The following NTNG1 variants were observed in gnomAD, a reference collection of about 807,000 sequenced individuals.
The protein encoded by NTNG1 is netrin G1, also known as netrin-G1.
In NTNG1, 16 loss-of-function variants were observed where a neutral mutation model predicts 54.0. The observed-to-expected ratio is 0.30, with a 90% CI of 0.20 to 0.45. NTNG1 has a LOEUF of 0.45. NTNG1 is among the 20% of genes least tolerant of loss of function. NTNG1 has a pLI of 1.00. For missense variants in NTNG1, 530 were observed against 678.7 expected, an observed-to-expected ratio of 0.78 and a Z score of 2.43; for synonymous variants, 255 against 263.1, an observed-to-expected ratio of 0.97 and a Z score of 0.30.
chr1:107,155,426 CTCTCTA>C (rs1442196736), intron 2 of NTNG1, among the ~76,000 whole-genome samples: 4 of 152,242 alleles, frequency 2.6e-5, no homozygotes, highest in Admixed American at 2.0e-4. Context: ...ATCTCTCTCT[CTCTCTA>C]TCTCTATCTC....
At chr1:107,216,039 C>G (rs1396782591) in intron 2 of NTNG1, among the ~76,000 whole-genome samples, 1 of 152,062 alleles carries the variant, frequency 6.6e-6, no homozygotes, top group African/African-American at 2.4e-5. Context: ...GTTCTGGAAG[C>G]CTTTTGGATG....
chr1:107,463,752 C>T (rs1677428005), intron 7 of NTNG1, among the ~76,000 whole-genome samples: 2 of 151,560 alleles, frequency 1.3e-5, no homozygotes, highest in South Asian at 4.2e-4. Context: ...AGGCAAGAGC[C>T]CTGATTATGT....
chr1:107,207,433 G>C lies in NTNG1; in HGVS notation c.246+58594G>C, dbSNP rs116051101. Among the ~76,000 whole-genome samples, 734 of 152,322 alleles carry C rather than the reference G, an allele frequency of 4.8e-3. 8 individuals are homozygous for C. Among genetic ancestry groups the C allele is most frequent in the African/African-American group, 0.017 (692 of 41,576 alleles). On this transcript the variant is annotated intron_variant, in intron 2 of 7. Coordinates refer to ENST00000370068, the MANE Select transcript of NTNG1 (RefSeq NM_001113226.3). ...GGAAAAATACTGTAGCTGTGAAGGT[G>C]ATGGCACAAAGCCAGTTTCTCCATG...
At position 107,200,113 on chromosome 1, in the gene NTNG1, A is replaced by T. The variant is rs114686424; in HGVS notation, c.246+51274A>T. Among the ~76,000 whole-genome samples the T allele has an allele frequency of 2.4e-3, 371 of 151,952 alleles. 2 individuals are homozygous for T. The highest frequency in any genetic ancestry group is 8.3e-3 in the African/African-American group (345 of 41,528). ...TAGTGACAATGCCAGATTCTTGGAT[A>T]CTGCTTTTGTAACCATTCCTTTCTT... On this transcript the variant is annotated intron_variant, in intron 2 of 7. Transcript: ENST00000370068.
chr1:107,437,848 G>A (rs1286593226), intron 7 of NTNG1, among the ~76,000 whole-genome samples: 1 of 151,898 alleles, frequency 6.6e-6, no homozygotes, highest in Non-Finnish European at 1.5e-5. Flanking sequence ...GTCAGTTAGG[G>A]CTGCCCATAT....
chr1:107,473,179 T>C (rs1377409746), intron 7 of NTNG1, among the ~76,000 whole-genome samples: 3 of 152,190 alleles, frequency 2.0e-5, no homozygotes, highest in East Asian at 1.9e-4. Flanking sequence ...CGCATTACAT[T>C]GATTCCTTGA....
intron 2 of NTNG1, among the ~76,000 whole-genome samples, chr1:107,318,529 T>G (rs1667464306): frequency 7.1e-6 from 1 of 140,572 alleles, no homozygotes; most frequent in Non-Finnish European, 1.5e-5. Context: ...TCTGTGAAAT[T>G]GCAAAAAAAA....
intron 2 of NTNG1, among the ~76,000 whole-genome samples, chr1:107,193,279 A>C (rs1404143598): frequency 6.6e-6 from 1 of 151,996 alleles, no homozygotes; most frequent in South Asian, 2.1e-4. Flanking sequence ...TTCCGGATAT[A>C]ATTTCAAGTT....
chr1:107,164,546 CAGAG>C (rs1159443631), intron 2 of NTNG1, among the ~76,000 whole-genome samples: 1 of 152,094 alleles, frequency 6.6e-6, no homozygotes, highest in African/African-American at 2.4e-5. Flanking sequence ...ATAGCGAAAG[CAGAG>C]AGAAATACTT....
intron 2 of NTNG1, among the ~76,000 whole-genome samples, chr1:107,305,656 A>G (rs1212280732): frequency 1.3e-5 from 2 of 152,018 alleles, no homozygotes; most frequent in African/African-American, 4.8e-5. Flanking sequence ...AGATGGATAG[A>G]TAGATAGCAA....
At chr1:107,289,372 C>T (rs1157434131) in intron 2 of NTNG1, among the ~76,000 whole-genome samples, 1 of 152,134 alleles carries the variant, frequency 6.6e-6, no homozygotes. Context: ...AAAGTCCTCA[C>T]TTTACTACCT....
intron 2 of NTNG1, among the ~76,000 whole-genome samples, chr1:107,323,863 T>G (rs903708583): frequency 1.3e-5 from 2 of 152,104 alleles, no homozygotes; most frequent in African/African-American, 4.8e-5. Flanking sequence ...TTCTAAAGCT[T>G]TGCTTGAAAA....
intron 5 of NTNG1, chr1:107,407,970 AG>A: frequency 1.5e-6 from 1 of 678,460 alleles, no homozygotes; most frequent in Non-Finnish European, 2.8e-6. Flanking sequence ...ACCTAGACTC[AG>A]GTGCAATTCC....
intron 2 of NTNG1, among the ~76,000 whole-genome samples, chr1:107,227,450 G>T (rs1660761014): frequency 6.6e-6 from 1 of 152,098 alleles, no homozygotes; most frequent in Admixed American, 6.6e-5. Flanking sequence ...CCAACTCTGT[G>T]GCACTAACCT....
At chr1:107,299,498 A>G (rs1167875768) in intron 2 of NTNG1, among the ~76,000 whole-genome samples, 1 of 152,180 alleles carries the variant, frequency 6.6e-6, no homozygotes, top group African/African-American at 2.4e-5. Context: ...CTATCTGGTC[A>G]CAGTTTTAAG....
chr1:107,274,105 T>C (rs1184157449), intron 2 of NTNG1, among the ~76,000 whole-genome samples: 1 of 152,128 alleles, frequency 6.6e-6, no homozygotes, highest in Non-Finnish European at 1.5e-5. Context: ...TTAAAGTGGG[T>C]ATTATTATTA....
chr1:107,319,188 C>T (rs1421174405), intron 2 of NTNG1, among the ~76,000 whole-genome samples: 1 of 152,084 alleles, frequency 6.6e-6, no homozygotes. Context: ...TAAGTGTCTT[C>T]AGAAAAGTCA....
At chr1:107,220,298 C>G (rs962116862) in intron 2 of NTNG1, among the ~76,000 whole-genome samples, 4 of 152,182 alleles carry the variant, frequency 2.6e-5, no homozygotes, top group East Asian at 3.9e-4. Flanking sequence ...TCCCATGGAG[C>G]CTGCAGTGGC....
At chr1:107,374,393 T>C (rs189257498) in intron 3 of NTNG1, among the ~76,000 whole-genome samples, 8 of 152,262 alleles carry the variant, frequency 5.3e-5, no homozygotes, top group East Asian at 3.9e-4. Flanking sequence ...TACATTGGCA[T>C]GCAATTCACT....
Sources: allele counts gnomAD v4.1 joint callset (sites outside exome capture counted in the v4.1 genomes callset), GRCh38; gene constraint gnomAD v4.1.1; transcripts MANE v1.5; gene names NCBI Gene and HGNC (gene_info 2026-07-23, HGNC 2026-07-21).